The following CROCC variants were observed in gnomAD, a reference collection of about 807,000 sequenced individuals.
CROCC encodes the protein rootletin.
CROCC carries 180 observed loss-of-function variants against 245.2 expected under a neutral mutation model. The observed-to-expected ratio is 0.73, with a 90% CI of 0.65 to 0.83. The LOEUF (loss-of-function observed/expected upper bound fraction) is 0.83. Ranked by LOEUF, CROCC falls within the 40% of genes least tolerant of loss-of-function variation. The pLI, the probability that CROCC is intolerant of heterozygous loss-of-function variation, is 0.00. For missense variants in CROCC, 2,688 were observed against 2,779.4 expected, an observed-to-expected ratio of 0.97 and a Z score of 0.74; for synonymous variants, 1,205 against 1,241.6, an observed-to-expected ratio of 0.97 and a Z score of 0.62.
chr1:16,971,605 G>A lies in CROCC; in HGVS notation c.5925G>A (p.Arg1975=). ...AGACTGAGCGCACCCTGGAGGCTCG[G>A]GAGCGGGCCCACCGCCAGAGGGTGC... The part of the protein sequence containing the change: ...QAQTERTLEA[R]ERAHRQRVRG... Residue 1975 remains arginine (R), a synonymous_variant, in exon 36 of 37, where the codon CGG becomes CGA. Coordinates refer to ENST00000375541, the MANE Select transcript of CROCC (RefSeq NM_014675.5). 6.6e-7 allele frequency: 1 copy of A among 1,520,724 alleles called. No homozygotes were observed. The highest frequency in any genetic ancestry group is 8.8e-7 in the Non-Finnish European group (1 of 1,134,198). The allele number at this position is 1,520,724 out of a possible 1,614,324, so 94.2% of individuals were successfully genotyped here.
chr1:16,960,625 G>A (rs2076314818), intron 26 of CROCC, 133 bp from the exon 27 acceptor site: 1 of 1,211,058 alleles, frequency 8.3e-7, no homozygotes, highest in Non-Finnish European at 1.0e-6. Flanking sequence ...GCCTGCTTGA[G>A]TGGCGAGCAC....
chr1:16,930,083 G>C (rs192079216), intron 4 of CROCC, 41 bp from the exon 5 acceptor site: 1 of 1,572,924 alleles, frequency 6.4e-7, no homozygotes, highest in Non-Finnish European at 8.6e-7. Context: ...ACTTTGCCCC[G>C]CCCCAACCCC....
At chr1:16,937,929 C>T (rs2075828582) in intron 10 of CROCC, among the ~76,000 whole-genome samples, 192 bp downstream of exon 10, 1 of 152,284 alleles carries the variant, frequency 6.6e-6, no homozygotes, top group African/African-American at 2.4e-5. Context: ...CCCAGCAGCC[C>T]TGTAGCATAA....
Position 16,969,782 on chromosome 1 carries a change from C to T in CROCC, c.5302-3C>T. ...CCAGGCACCATCAGCCCCTGTCCCC[C>T]AGGAACGGCTGGATGCCGCCCGGCA... On this transcript the variant is annotated splice_polypyrimidine_tract_variant and splice_region_variant and intron_variant, in intron 32 of 36. Transcript: ENST00000375541. 1 of 1,611,896 alleles carries T rather than the reference C, an allele frequency of 6.2e-7. No individual in the cohort carries two copies. The highest frequency in any genetic ancestry group is 1.3e-5 in the African/African-American group (1 of 75,010).
At chr1:16,914,165 C>A (rs1404537050) in intron 1 of CROCC, among the ~76,000 whole-genome samples, 1 of 151,406 alleles carries the variant, frequency 6.6e-6, no homozygotes, top group Non-Finnish European at 1.5e-5. Context: ...CGCGCGTGCG[C>A]GGGGGCGGGA....
intron 8 of CROCC, among the ~76,000 whole-genome samples, chr1:16,931,796 C>T (rs2075683048): frequency 6.6e-6 from 1 of 152,160 alleles, no homozygotes; most frequent in African/African-American, 2.4e-5. Context: ...CTTGCTCTGT[C>T]ACCAGGCTGG....
intron 35 of CROCC, 63 bp from the exon 36 acceptor site, chr1:16,971,402 C>A: frequency 6.9e-7 from 1 of 1,457,378 alleles, no homozygotes; most frequent in Admixed American, 2.3e-5. Context: ...CCTGACAACC[C>A]GTCACACATG....
At chr1:16,922,605 C>A in intron 1 of CROCC, 58 bp from the exon 2 acceptor site, 1 of 1,536,708 alleles carries the variant, frequency 6.5e-7, no homozygotes, top group Non-Finnish European at 8.8e-7. Context: ...GCTCTCCCCA[C>A]GAGGCCAGGG....
upstream of CROCC, among the ~76,000 whole-genome samples, chr1:16,921,479 GC>G: frequency 6.6e-6 from 1 of 152,292 alleles, no homozygotes; most frequent in African/African-American, 2.4e-5. Flanking sequence ...TGCATTCTTT[GC>G]CCTACACCTG....
At chr1:16,945,885 T>C (rs1348638370) in intron 15 of CROCC, among the ~76,000 whole-genome samples, 1 of 152,288 alleles carries the variant, frequency 6.6e-6, no homozygotes, top group Non-Finnish European at 1.5e-5. Flanking sequence ...ATCCAGTGCC[T>C]GAGACTCAGC....
intron 1 of CROCC, among the ~76,000 whole-genome samples, chr1:16,916,043 G>C (rs752793413): frequency 7.9e-5 from 12 of 152,262 alleles, no homozygotes; most frequent in African/African-American, 2.4e-4. Context: ...GGGCGTGGTG[G>C]TGCATGCCTG....
intron 3 of CROCC, among the ~76,000 whole-genome samples, chr1:16,927,922 G>T (rs2075572808): frequency 6.6e-6 from 1 of 152,300 alleles, no homozygotes. Flanking sequence ...CCCTATTGGT[G>T]GGGCTGCCAT....
chr1:16,925,084 G>A (rs537826077), intron 3 of CROCC, among the ~76,000 whole-genome samples: 3 of 152,394 alleles, frequency 2.0e-5, no homozygotes, highest in South Asian at 4.1e-4. Flanking sequence ...GGTGTGAGCC[G>A]GTGCGAGGGG....
intron 2 of CROCC, among the ~76,000 whole-genome samples, chr1:16,923,225 C>T (rs1305262653): frequency 6.6e-6 from 1 of 152,296 alleles, no homozygotes; most frequent in Admixed American, 6.5e-5. Context: ...GGTCCCTGCT[C>T]CTCTCAGTGG....
intron 36 of CROCC, 93 bp from the exon 37 acceptor site, chr1:16,972,267 G>C (rs961746058): frequency 5.2e-6 from 5 of 956,162 alleles, no homozygotes; most frequent in African/African-American, 1.6e-5. Flanking sequence ...TCCTGAAACT[G>C]TGGCACTGTG....
intron 4 of CROCC, 40 bp from the exon 5 acceptor site, chr1:16,930,084 C>G: frequency 6.4e-7 from 1 of 1,574,542 alleles, no homozygotes. Context: ...CTTTGCCCCG[C>G]CCCAACCCCT....
chr1:16,972,382 T>G lies in CROCC; in HGVS notation c.5990T>G (p.Leu1997Arg), dbSNP rs1213536085. Residue 1997 changes from leucine (L) to arginine (R), a missense_variant, in exon 37 of 37, where the codon CTG becomes CGG. This residue lies in a region of CROCC where 1,218 missense variants were observed against 1,286.3 expected (regional missense o/e 0.95). Transcript: ENST00000375541. Reference protein sequence around the residue: ...EEQVSTLKGQLQQELRRSSAP... With the variant: ...EEQVSTLKGQRQQELRRSSAP... ...CAGGTGTCCACACTGAAGGGCCAGC[T>G]GCAGCAGGAGCTTCGAAGGAGCTCA... is the stretch of plus-strand genomic sequence containing the variant. 1 of 1,613,906 alleles carries G rather than the reference T, an allele frequency of 6.2e-7. No individual in the cohort carries two copies. The highest frequency in any genetic ancestry group is 1.3e-5 in the African/African-American group (1 of 74,914).
At chr1:16,956,220 C>G (rs753645671) in intron 25 of CROCC, 64 bp downstream of exon 25, 9 of 1,438,338 alleles carry the variant, frequency 6.3e-6, no homozygotes, top group Non-Finnish European at 8.3e-6. Context: ...ATAGCTCCCC[C>G]TTTCTGGAAT....
chr1:16,936,898 G>C (rs533210037), intron 9 of CROCC, 25 bp downstream of exon 9: 10 of 1,589,538 alleles, frequency 6.3e-6, no homozygotes, highest in South Asian at 2.2e-5. Context: ...GATGCCGCAC[G>C]AGGCAGGCGT....
Sources: allele counts gnomAD v4.1 joint callset (sites outside exome capture counted in the v4.1 genomes callset), GRCh38; gene constraint gnomAD v4.1.1; regional missense constraint gnomAD v4.1.1; transcripts MANE v1.5; gene names NCBI Gene and HGNC (gene_info 2026-07-23, HGNC 2026-07-21).